CYP3A4: variants seen among roughly 807,000 people sequenced by gnomAD.
The protein encoded by CYP3A4 is cytochrome P450 family 3 subfamily A member 4.
In CYP3A4, 41 loss-of-function variants were observed where a neutral mutation model predicts 54.9. The observed-to-expected ratio is 0.75, with a 90% CI of 0.58 to 0.97. The LOEUF is 0.97. Among genes scored for constraint, CYP3A4 ranks in the 50% least tolerant of loss-of-function variants. The probability of loss-of-function intolerance (pLI) is 0.00; values close to 1 mark genes in which losing one functional copy is unlikely to be tolerated. For missense variants in CYP3A4, 510 were observed against 597.3 expected (o/e 0.85, Z 1.52); for synonymous variants, 179 against 205.2 (o/e 0.87, Z 1.09).
chr7:99,765,098 A>G (rs754623703), intron 9 of CYP3A4, among the ~76,000 whole-genome samples: 7 of 152,350 alleles, frequency 4.6e-5, no homozygotes, highest in Non-Finnish European at 7.4e-5. Context: ...AAGTAAATTC[A>G]ACTACCTAAT....
rs1001925092 is a variant in CYP3A4, at chr7:99,777,863, A to C, written c.218+165T>G. 1.1e-4 allele frequency among the ~76,000 whole-genome samples: 17 copies of C among 152,166 alleles called. No homozygotes were observed. The South Asian group carries it at 2.9e-3, about 26-fold the overall frequency. ...ATGCAGATTCCCATTGCAATACTCT[A>C]CACCCAAATAAATATCTTCTTCTTT... On this transcript the variant is annotated intron_variant, in intron 3 of 12. Coordinates refer to ENST00000651514, the MANE Select transcript of CYP3A4 (RefSeq NM_017460.6).
intron 1 of CYP3A4, among the ~76,000 whole-genome samples, chr7:99,781,489 A>T (rs757831910): frequency 6.6e-6 from 1 of 152,178 alleles, no homozygotes; most frequent in Non-Finnish European, 1.5e-5. Context: ...GCCTGCTTGC[A>T]ACTCATCTTT....
chr7:99,765,924 C>A (rs1392356070), intron 9 of CYP3A4, among the ~76,000 whole-genome samples: 4 of 152,040 alleles, frequency 2.6e-5, no homozygotes, highest in Non-Finnish European at 5.9e-5. Flanking sequence ...CAGCGTGGCT[C>A]CTGATTGGAT....
chr7:99,759,616 T>G (rs1481971602), intron 12 of CYP3A4, among the ~76,000 whole-genome samples: 1 of 152,176 alleles, frequency 6.6e-6, no homozygotes, highest in Non-Finnish European at 1.5e-5. Context: ...GAGAGGATAT[T>G]GTTAATGGAG....
At chr7:99,762,984 C>G (rs980616264) in intron 10 of CYP3A4, among the ~76,000 whole-genome samples, 2 of 152,164 alleles carry the variant, frequency 1.3e-5, no homozygotes, top group Admixed American at 1.3e-4. Flanking sequence ...GTGATATGCA[C>G]CTAGTATTTG....
chr7:99,777,841 C>A (rs1815810349), intron 3 of CYP3A4, among the ~76,000 whole-genome samples, 187 bp downstream of exon 3: 1 of 152,084 alleles, frequency 6.6e-6, no homozygotes, highest in Non-Finnish European at 1.5e-5. Flanking sequence ...TAAAGGCATG[C>A]AGATTCCCAT....
At position 99,762,146 on chromosome 7, in the gene CYP3A4, A is replaced by T; in HGVS notation, c.1148T>A (p.Ile383Asn). ...CCCTTTGGGAATGAACATCCCATTGATCTCAACATCTTTTTTGCAGACCCT... is the reference window on the plus strand; with the variant it reads ...CCCTTTGGGAATGAACATCCCATTGTTCTCAACATCTTTTTTGCAGACCCT... The part of the protein sequence containing the change: ...LERVCKKDVE[I>N]NGMFIPKGVV... Residue 383 changes from isoleucine to asparagine, a missense_variant, in exon 11 of 13, where the codon ATC becomes AAC. This residue lies in a region of CYP3A4 where 238 missense variants were observed against 322.5 expected (regional missense o/e 0.74). Transcript: ENST00000651514. 6.2e-7 allele frequency: 1 copy of T among 1,614,102 alleles called. No homozygotes were observed. The highest frequency in any genetic ancestry group is 1.1e-5 in the South Asian group (1 of 91,068).
chr7:99,761,589 T>G (rs984514631), intron 11 of CYP3A4, among the ~76,000 whole-genome samples: 3 of 152,214 alleles, frequency 2.0e-5, no homozygotes, highest in Non-Finnish European at 2.9e-5. Flanking sequence ...TGTACCGATG[T>G]AATGCAGTAT....
Position 99,772,678 on chromosome 7 carries a change from C to A in CYP3A4, c.230G>T (p.Gly77Val), listed in dbSNP as rs1343000941. Residue 77 changes from glycine (G) to valine (V), a missense_variant, in exon 4 of 13, where the codon GGT becomes GTT. By Grantham distance (109) the Gly-to-Val change is moderately radical (BLOSUM62 -3). Coordinates refer to ENST00000651514, the MANE Select transcript of CYP3A4 (RefSeq NM_017460.6). ...KYGKVWGFYD[G>V]QQPVLAITDP... Reference sequence around the variant, plus strand: ...TGTGATAGCCAGCACAGGCTGTTGACCATCATAAAAGCTGTGTGAAAAAAA... The same window carrying A: ...TGTGATAGCCAGCACAGGCTGTTGAACATCATAAAAGCTGTGTGAAAAAAA... The A allele has an allele frequency of 5.0e-6, 8 of 1,613,176 alleles. No individual in the cohort carries two copies. In the East Asian group the frequency reaches 1.8e-4, roughly 36 times the overall value.
At chr7:99,768,069 A>C (rs1477653411) in intron 7 of CYP3A4, among the ~76,000 whole-genome samples, 1 of 152,248 alleles carries the variant, frequency 6.6e-6, no homozygotes, top group Non-Finnish European at 1.5e-5. Flanking sequence ...ATTTCTATGA[A>C]GTGTCCAGAA....
intron 9 of CYP3A4, among the ~76,000 whole-genome samples, chr7:99,765,110 A>G (rs1233247757): frequency 1.3e-5 from 2 of 152,228 alleles, no homozygotes; most frequent in Non-Finnish European, 2.9e-5. Context: ...CTACCTAATC[A>G]TAGTATTCAG....
chr7:99,766,326 G>C, intron 9 of CYP3A4, 51 bp downstream of exon 9: 2 of 1,592,464 alleles, frequency 1.3e-6, no homozygotes, highest in South Asian at 1.1e-5. Context: ...TTCAGAACAA[G>C]GCCTTCCCTC....
intron 12 of CYP3A4, among the ~76,000 whole-genome samples, chr7:99,759,868 G>A (rs184341023): frequency 2.0e-3 from 297 of 151,144 alleles, no homozygotes; most frequent in African/African-American, 7.0e-3. Context: ...ACAGAGTCTC[G>A]CTGTCACCCA....
At chr7:99,768,629 G>A in intron 6 of CYP3A4, 127 bp from the exon 7 acceptor site, 1 of 1,557,212 alleles carries the variant, frequency 6.4e-7, no homozygotes, top group Non-Finnish European at 8.8e-7. Context: ...AGATCTACTA[G>A]ATCACCTTCT....
At chr7:99,770,727 AC>A (rs1315967025) in intron 4 of CYP3A4, among the ~76,000 whole-genome samples, 1 of 152,286 alleles carries the variant, frequency 6.6e-6, no homozygotes, top group East Asian at 1.9e-4. Flanking sequence ...AGTAGGTAAT[AC>A]CTTTAAAACT....
At chr7:99,766,729 A>G (rs1216508648) in intron 8 of CYP3A4, 7 of 457,162 alleles carry the variant, frequency 1.5e-5, no homozygotes, top group African/African-American at 1.2e-4. Flanking sequence ...AATGTGTAAA[A>G]TAACAGGTTT....
At chr7:99,758,534 G>C (rs1815239782) in intron 12 of CYP3A4, among the ~76,000 whole-genome samples, 1 of 152,152 alleles carries the variant, frequency 6.6e-6, no homozygotes, top group East Asian at 1.9e-4. Flanking sequence ...ACTATTCTGT[G>C]CCAGGCCTGA....
At chr7:99,759,805 G>A (rs1227570643) in intron 12 of CYP3A4, among the ~76,000 whole-genome samples, 1 of 151,808 alleles carries the variant, frequency 6.6e-6, no homozygotes, top group African/African-American at 2.4e-5. Flanking sequence ...ACTAGGACTT[G>A]AAAGATAAGA....
At chr7:99,767,637 T>C (rs1329578158) in intron 7 of CYP3A4, among the ~76,000 whole-genome samples, 1 of 152,170 alleles carries the variant, frequency 6.6e-6, no homozygotes, top group Admixed American at 6.5e-5. Context: ...GTAGTCAAGA[T>C]AGAAATAACA....
Sources: gnomAD v4.1 joint callset for allele counts (sites outside exome capture counted in the v4.1 genomes callset) on GRCh38, gnomAD v4.1.1 for gene constraint, gnomAD v4.1.1 regional missense constraint, MANE v1.5 for transcripts, NCBI Gene and HGNC (gene_info 2026-07-23, HGNC 2026-07-21) for gene names.